The following ESF1 variants were observed in gnomAD, a reference collection of about 807,000 sequenced individuals.
ESF1 encodes the protein ESF1 homolog.
A neutral mutation model predicts 92.0 loss-of-function variants in ESF1; 58 were observed. That is an observed-to-expected ratio of 0.63 (90% CI 0.51 to 0.78). ESF1 has a LOEUF of 0.78. Ranked by LOEUF, ESF1 falls within the 30% of genes least tolerant of loss-of-function variation. ESF1 has a pLI of 0.00. For missense variants in ESF1, 922 were observed against 989.1 expected, an observed-to-expected ratio of 0.93 and a Z score of 0.91; for synonymous variants, 321 against 313.7, an observed-to-expected ratio of 1.02 and a Z score of -0.24.
At chr20:13,761,050 G>A (rs1366445279) in intron 8 of ESF1, among the ~76,000 whole-genome samples, 1 of 152,044 alleles carries the variant, frequency 6.6e-6, no homozygotes, top group Non-Finnish European at 1.5e-5. Flanking sequence ...AAATTCTTCT[G>A]CCTTGGGATC....
At chr20:13,749,706 C>T (rs965178971) in intron 9 of ESF1, among the ~76,000 whole-genome samples, 1 of 152,052 alleles carries the variant, frequency 6.6e-6, no homozygotes, top group Admixed American at 6.6e-5. Context: ...GCTCGGACTA[C>T]AGGCACGAGC....
chr20:13,724,543 T>A (rs2049888629), intron 11 of ESF1, among the ~76,000 whole-genome samples: 1 of 152,190 alleles, frequency 6.6e-6, no homozygotes, highest in Non-Finnish European at 1.5e-5. Flanking sequence ...AATATATTCT[T>A]CCTTATGTCT....
rs759846509 is a variant in ESF1, at chr20:13,717,371, A to G, written c.2259T>C (p.Phe753=). ...TATGCCTGGTGTCTATGGTTACCTCAAAGTCATCCTCTATTAATTCCTTCT... is the reference window on the plus strand; with the variant it reads ...TATGCCTGGTGTCTATGGTTACCTCGAAGTCATCCTCTATTAATTCCTTCT... ...MKKKELIEDD[F]EVNVNDARFQ... The change falls in exon 13 of 14, where the codon TTT becomes TTC. Residue 753 remains phenylalanine (F), a synonymous_variant. Transcript: ENST00000617257. 3 of 1,613,960 alleles carry G rather than the reference A, an allele frequency of 1.9e-6. No individual in the cohort carries two copies. Among genetic ancestry groups the G allele is most frequent in the Non-Finnish European group, 1.7e-6 (2 of 1,179,946 alleles).
chr20:13,733,721 C>A lies in ESF1; in HGVS notation c.1950G>T (p.Lys650Asn). ...KEKKRLKRKQ[K>N]ALAEEASEEE... ...ATTTGGTCATAATTATCAATGATAC[C>A]TTCTGTTTCCTTTTCAGTCTTTTTT... Residue 650 changes from lysine (K) to asparagine (N), a missense_variant and splice_region_variant, in exon 10 of 14, where the codon AAG becomes AAT. Physicochemically the swap from Lys to Asn is moderately conservative, Grantham distance 94 (BLOSUM62 0). Transcript: ENST00000617257. The A allele has an allele frequency of 6.2e-7, 1 of 1,610,820 alleles. No individual in the cohort carries two copies. Among genetic ancestry groups the A allele is most frequent in the Non-Finnish European group, 8.5e-7 (1 of 1,178,990 alleles).
In ESF1 at chr20:13,765,132, A is replaced by C. The variant is rs139650171; in HGVS notation, c.1666+1645T>G. Among the ~76,000 whole-genome samples the C allele has an allele frequency of 1.4e-3, 216 of 152,266 alleles. 1 individual carries two copies. Among genetic ancestry groups the C allele is most frequent in the African/African-American group, 5.0e-3 (206 of 41,568 alleles). The stretch of plus-strand genomic sequence containing the variant: ...CAGCTACTTGGGAGGCTGAGCCATG[A>C]GAATCGTTTGAACCCAGGAGGAAGA... On this transcript the variant is annotated intron_variant, in intron 8 of 13. Coordinates refer to ENST00000617257, the MANE Select transcript of ESF1 (RefSeq NM_001276380.2).
intron 6 of ESF1, among the ~76,000 whole-genome samples, chr20:13,770,791 T>C (rs1305385622): frequency 1.3e-5 from 2 of 152,246 alleles, no homozygotes; most frequent in Admixed American, 6.5e-5. Context: ...CATTTAGCCA[T>C]TTACATTTAG....
intron 9 of ESF1, among the ~76,000 whole-genome samples, chr20:13,753,737 T>C (rs1408506273): frequency 2.0e-5 from 3 of 152,120 alleles, no homozygotes; most frequent in Non-Finnish European, 2.9e-5. Flanking sequence ...TTACCCAAAG[T>C]TGCAATCCCA....
rs1979920298 is a variant in ESF1, at chr20:13,776,044, CTCA to C, written c.861_863del (p.Asp287del). 1.2e-6 allele frequency: 2 copies of C among 1,613,712 alleles called. No individual in the cohort carries two copies. The highest frequency in any genetic ancestry group is 2.7e-5 in the African/African-American group (2 of 74,884). On this transcript the variant is annotated inframe_deletion, in exon 3 of 14. Transcript: ENST00000617257. ...CACTTTTATCATCATCCTCACTATC[CTCA>C]TCTTCATCCTCCTCTTCATCTTCAT... is the stretch of plus-strand genomic sequence containing the variant.
At chr20:13,749,768 T>C (rs1978541966) in intron 9 of ESF1, among the ~76,000 whole-genome samples, 1 of 151,902 alleles carries the variant, frequency 6.6e-6, no homozygotes, top group South Asian at 2.1e-4. Context: ...GGTTTCACCA[T>C]GTTGGCCAGT....
intron 2 of ESF1, 58 bp downstream of exon 2, chr20:13,782,444 AAG>A: frequency 7.4e-7 from 1 of 1,351,650 alleles, no homozygotes; most frequent in Middle Eastern, 2.8e-4. Flanking sequence ...ACATTTTTGA[AAG>A]ATCAGTATAA....
Position 13,776,003 on chromosome 20 carries a change from A to T in ESF1, c.905T>A (p.Leu302His). Residue 302 changes from leucine to histidine, a missense_variant, in exon 3 of 14, where the codon CTT becomes CAT. Physicochemically the swap from Leu to His is moderately conservative, Grantham distance 99 (BLOSUM62 -3). Transcript: ENST00000617257. ...TTCTATATTTCCTTTACCCCTTGCA[A>T]GATCAGGGCCACTGTCACTTTTATC... The part of the protein sequence containing the change: ...DDDKSDSGPD[L>H]ARGKGNIETS... 6.2e-7 allele frequency: 1 copy of T among 1,613,880 alleles called. No individual in the cohort carries two copies. Among genetic ancestry groups the T allele is most frequent in the South Asian group, 1.1e-5 (1 of 91,064 alleles).
In ESF1 at chr20:13,714,908, T is replaced by C; in HGVS notation, c.2522A>G (p.Gln841Arg). The C allele has an allele frequency of 1.2e-6, 2 of 1,608,700 alleles. No homozygotes were observed. Among genetic ancestry groups the C allele is most frequent in the Non-Finnish European group, 1.7e-6 (2 of 1,177,974 alleles). The change falls in exon 14 of 14, where the codon CAG becomes CGG. Residue 841 changes from glutamine (Q) to arginine (R), a missense_variant. Coordinates refer to ENST00000617257, the MANE Select transcript of ESF1 (RefSeq NM_001276380.2). ...TTTTTGCTTTTTTCTTGCTTGAAACTGCTCTGTTTTGGTTTTTATAGATTT... is the reference window on the plus strand; with the variant it reads ...TTTTTGCTTTTTTCTTGCTTGAAACCGCTCTGTTTTGGTTTTTATAGATTT... ...LIKSIKTKTEQFQARKKQKVK is the reference protein window; with the variant it reads ...LIKSIKTKTERFQARKKQKVK
At chr20:13,748,453 T>TATAC (rs1295639547) in intron 9 of ESF1, among the ~76,000 whole-genome samples, 3 of 126,850 alleles carry the variant, frequency 2.4e-5, no homozygotes, top group Admixed American at 7.7e-5. Flanking sequence ...TATATACATA[T>TATAC]ATATACATAT....
chr20:13,736,372 T>TA (rs1011879357), intron 9 of ESF1, among the ~76,000 whole-genome samples: 4 of 151,734 alleles, frequency 2.6e-5, no homozygotes, highest in Non-Finnish European at 5.9e-5. Flanking sequence ...AAATCATTTC[T>TA]AAAAAAAAGG....
chr20:13,737,808 C>A (rs2049984796), intron 9 of ESF1, among the ~76,000 whole-genome samples: 1 of 151,308 alleles, frequency 6.6e-6, no homozygotes, highest in Non-Finnish European at 1.5e-5. Flanking sequence ...CGCACGCCAC[C>A]ATGCCAGACT....
chr20:13,758,444 C>T (rs150918794), intron 9 of ESF1, among the ~76,000 whole-genome samples: 11 of 152,310 alleles, frequency 7.2e-5, no homozygotes, highest in African/African-American at 1.9e-4. Context: ...GAATATGCAG[C>T]AGACCATCCT....
At chr20:13,758,073 AG>A (rs869230185) in intron 9 of ESF1, among the ~76,000 whole-genome samples, 1 of 23,944 alleles carries the variant, frequency 4.2e-5, no homozygotes, top group Non-Finnish European at 9.0e-5. Flanking sequence ...ACTGACACAG[AG>A]AGCTCAACCC....
chr20:13,768,717 T>A (rs1263696605), intron 7 of ESF1, among the ~76,000 whole-genome samples: 2 of 151,052 alleles, frequency 1.3e-5, no homozygotes, highest in African/African-American at 4.9e-5. Context: ...GCCAACATGG[T>A]GAAACCCAGT....
At chr20:13,740,297 T>C (rs1243091358) in intron 9 of ESF1, among the ~76,000 whole-genome samples, 4 of 152,054 alleles carry the variant, frequency 2.6e-5, no homozygotes, top group African/African-American at 7.2e-5. Flanking sequence ...ATAAAGACTA[T>C]GAATATTGGA....
Sources: gnomAD v4.1 joint callset for allele counts (sites outside exome capture counted in the v4.1 genomes callset) on GRCh38, gnomAD v4.1.1 for gene constraint, MANE v1.5 for transcripts, NCBI Gene and HGNC (gene_info 2026-07-23, HGNC 2026-07-21) for gene names.